The following AIG1 variants were observed in gnomAD, a reference collection of about 807,000 sequenced individuals.
AIG1 encodes androgen-induced gene 1 protein.
A neutral mutation model predicts 31.4 loss-of-function variants in AIG1; 23 were observed. That is an observed-to-expected ratio of 0.73 (90% CI 0.53 to 1.04). The LOEUF is 1.04. Ranked by LOEUF, AIG1 falls within the 50% of genes least tolerant of loss-of-function variation. The pLI is 0.00. For synonymous variants in AIG1, 100 were observed against 110.5 expected (o/e 0.90, Z 0.60); for missense variants, 274 against 295.0 (o/e 0.93, Z 0.52).
In AIG1 at chr6:143,219,024, C is replaced by T. The variant is rs146740990; in HGVS notation, c.399+53841C>T. ...ATATACTGAAAACTGGTCCTGTATT[C>T]GTTGTTCAAAATTAATTAAATAGAA... On this transcript the variant is annotated intron_variant, in intron 3 of 5. Coordinates refer to ENST00000357847, the MANE Select transcript of AIG1 (RefSeq NM_016108.4). Among the ~76,000 whole-genome samples, 6 of 152,080 alleles carry T rather than the reference C, an allele frequency of 3.9e-5. No individual in the cohort carries two copies. The South Asian group carries it at 6.2e-4, about 16-fold the overall frequency.
chr6:143,067,710 A>G (rs1358058056), intron 1 of AIG1, among the ~76,000 whole-genome samples: 1 of 152,224 alleles, frequency 6.6e-6, no homozygotes. Flanking sequence ...TCATTATGTA[A>G]CTATGGTACT....
intron 2 of AIG1, among the ~76,000 whole-genome samples, chr6:143,137,303 T>A (rs1783856174): frequency 6.6e-6 from 1 of 152,190 alleles, no homozygotes. Context: ...CTAAACTTCC[T>A]ATTTTTATAA....
chr6:143,069,394 G>A (rs149044723), intron 1 of AIG1, among the ~76,000 whole-genome samples: 2 of 152,130 alleles, frequency 1.3e-5, no homozygotes, highest in African/African-American at 2.4e-5. Flanking sequence ...TTTGATAGAT[G>A]CACAATTTTC....
intron 1 of AIG1, among the ~76,000 whole-genome samples, chr6:143,126,981 A>G (rs1782738027): frequency 6.6e-6 from 1 of 151,810 alleles, no homozygotes. Flanking sequence ...CTATAGTCCC[A>G]AGTAGGGGAG....
chr6:143,206,758 A>G (rs187790303), intron 3 of AIG1, among the ~76,000 whole-genome samples: 9 of 152,336 alleles, frequency 5.9e-5, no homozygotes, highest in African/African-American at 2.2e-4. Flanking sequence ...GCATTTTTAT[A>G]TCAATAATTT....
chr6:143,312,946 A>T (rs1055404107), intron 4 of AIG1, among the ~76,000 whole-genome samples: 2 of 152,184 alleles, frequency 1.3e-5, no homozygotes, highest in African/African-American at 2.4e-5. Context: ...TAACTGGTAT[A>T]GGAAAAGGTG....
intron 3 of AIG1, among the ~76,000 whole-genome samples, chr6:143,217,152 C>G (rs1234470270): frequency 1.3e-5 from 2 of 152,202 alleles, no homozygotes. Flanking sequence ...AACCAAACTT[C>G]TAGAGCTCTT....
At chr6:143,108,803 T>C (rs928140550) in intron 1 of AIG1, among the ~76,000 whole-genome samples, 2 of 152,246 alleles carry the variant, frequency 1.3e-5, no homozygotes, top group African/African-American at 4.8e-5. Context: ...ATGAATTGAC[T>C]ACAGCTTACA....
At chr6:143,316,772 A>G (rs943324467) in intron 4 of AIG1, among the ~76,000 whole-genome samples, 4 of 152,174 alleles carry the variant, frequency 2.6e-5, no homozygotes, top group Admixed American at 2.0e-4. Context: ...AGATTAACCA[A>G]GAAAAGAATA....
chr6:143,166,875 G>A (rs943201537), intron 3 of AIG1, among the ~76,000 whole-genome samples: 2 of 152,152 alleles, frequency 1.3e-5, no homozygotes, highest in African/African-American at 4.8e-5. Flanking sequence ...GCTCAGGATG[G>A]TAGAAGTGGG....
chr6:143,092,719 A>T (rs568765454), intron 1 of AIG1, among the ~76,000 whole-genome samples: 1 of 152,158 alleles, frequency 6.6e-6, no homozygotes, highest in South Asian at 2.1e-4. Flanking sequence ...CACCAGTCTC[A>T]TTAGCCCCTA....
chr6:143,148,445 GT>G (rs988206683), intron 2 of AIG1, among the ~76,000 whole-genome samples: 5 of 152,032 alleles, frequency 3.3e-5, no homozygotes, highest in African/African-American at 1.2e-4. Context: ...GGAGGTGGAG[GT>G]TTTAGTGAGC....
intron 1 of AIG1, among the ~76,000 whole-genome samples, chr6:143,062,862 CAGATCTTACTT>C (rs1287059639): frequency 1.3e-5 from 2 of 152,178 alleles, no homozygotes; most frequent in Admixed American, 1.3e-4. Flanking sequence ...ATTCCTAAGT[CAGATCTTACTT>C]AGAGCTGGCC....
intron 3 of AIG1, among the ~76,000 whole-genome samples, chr6:143,170,181 A>C (rs553481824): frequency 6.6e-6 from 1 of 152,030 alleles, no homozygotes; most frequent in East Asian, 1.9e-4. Context: ...CTTCTTTGTA[A>C]GTTTGGTACA....
intron 3 of AIG1, among the ~76,000 whole-genome samples, chr6:143,205,671 A>C (rs1791053894): frequency 6.6e-6 from 1 of 152,230 alleles, no homozygotes; most frequent in Non-Finnish European, 1.5e-5. Context: ...TTGCCCATAC[A>C]ACACAGATGT....
At chr6:143,339,482 T>G (rs1777752224) in intron 5 of AIG1, 157 bp from the exon 6 acceptor site, 1 of 639,368 alleles carries the variant, frequency 1.6e-6, no homozygotes, top group Non-Finnish European at 2.6e-6. Context: ...ATGGCTTTCC[T>G]TCTTAGCTAG....
chr6:143,282,045 A>T (rs1353773434), intron 3 of AIG1, among the ~76,000 whole-genome samples: 2 of 152,246 alleles, frequency 1.3e-5, no homozygotes, highest in Non-Finnish European at 2.9e-5. Flanking sequence ...CAAGTATCAG[A>T]TGTCCTATCT....
chr6:143,101,109 A>C (rs1780237751), intron 1 of AIG1, among the ~76,000 whole-genome samples: 2 of 152,156 alleles, frequency 1.3e-5, no homozygotes, highest in Admixed American at 6.5e-5. Context: ...CTGATGCTTT[A>C]AATAACCAGT....
downstream of AIG1, chr6:143,342,445 C>T (rs1470135185): frequency 3.9e-6 from 3 of 763,888 alleles, no homozygotes; most frequent in East Asian, 2.4e-5. Flanking sequence ...AGATCAGACA[C>T]GGCAACAAGT....
Sources: allele counts gnomAD v4.1 joint callset (sites outside exome capture counted in the v4.1 genomes callset), GRCh38; gene constraint gnomAD v4.1.1; transcripts MANE v1.5; gene names NCBI Gene and HGNC (gene_info 2026-07-23, HGNC 2026-07-21).